SNRNP70: variants seen among roughly 807,000 people sequenced by gnomAD.
The protein encoded by SNRNP70 is U1 small nuclear ribonucleoprotein 70 kDa.
In SNRNP70, 8 loss-of-function variants were observed where a neutral mutation model predicts 50.5. The ratio of observed to expected loss-of-function variants is 0.16; its 90% CI spans 0.09 to 0.29. The LOEUF (loss-of-function observed/expected upper bound fraction) is 0.29. Among genes scored for constraint, SNRNP70 ranks in the 10% least tolerant of loss-of-function variants. The probability of loss-of-function intolerance (pLI) is 1.00; values close to 1 mark genes in which losing one functional copy is unlikely to be tolerated. For synonymous variants in SNRNP70, 320 were observed against 252.9 expected (o/e 1.27, Z -2.52); for missense variants, 529 against 663.5 (o/e 0.80, Z 2.23).
At chr19:49,102,361 T>G (rs1271732895) in intron 7 of SNRNP70, 1 of 322,572 alleles carries the variant, frequency 3.1e-6, no homozygotes. Flanking sequence ...CCGTATGCTC[T>G]CTGAGAATCT....
chr19:49,094,869 G>A (rs1041666049), intron 4 of SNRNP70, among the ~76,000 whole-genome samples: 1 of 152,184 alleles, frequency 6.6e-6, no homozygotes, highest in Non-Finnish European at 1.5e-5. Flanking sequence ...AGGCAAGCAC[G>A]CTTCCAAAGA....
rs1226197953 is a variant in SNRNP70 at position 49,107,857 on chromosome 19, A to T, written c.728A>T (p.Glu243Val). 2 of 1,561,326 alleles carry T rather than the reference A, an allele frequency of 1.3e-6. No individual in the cohort carries two copies. Among genetic ancestry groups the T allele is most frequent in the Non-Finnish European group, 1.7e-6 (2 of 1,153,638 alleles). Residue 243 changes from glutamate (E) to valine (V), a missense_variant, in exon 10 of 10, where the codon GAG becomes GTG. By Grantham distance (121) the Glu-to-Val change is moderately radical. Around this residue, in one of 4 missense-constraint regions of SNRNP70, gnomAD observed 53 missense variants for 78.6 expected, o/e 0.67. Transcript: ENST00000598441. The surrounding 1 kb of genome is among the most constrained non-coding windows in gnomAD (Gnocchi z 6.0). ...RDRDRERERR[E>V]RSRERDKERE... The stretch of plus-strand genomic sequence containing the variant: ...CGGGACCGTGAGCGGGAGCGCAGAG[A>T]GCGGAGCCGGGAGCGAGACAAGGAG...
At chr19:49,088,977 G>A (rs1478377456) in intron 2 of SNRNP70, among the ~76,000 whole-genome samples, 1 of 152,104 alleles carries the variant, frequency 6.6e-6, no homozygotes, top group Admixed American at 6.6e-5. Context: ...ACATCCTCTG[G>A]CACTTTGTTC....
rs1274610502 is a variant in SNRNP70, at chr19:49,108,488, C to T, written c.*45C>T. ...TGCTGTGTTTGGACGCGTTCCTGCC[C>T]AGCCCCTTGCTGTCATCCCCTCCCC... On this transcript the variant is annotated 3_prime_UTR_variant, in exon 10 of 10. Transcript: ENST00000598441. 2.6e-6 allele frequency: 4 copies of T among 1,547,030 alleles called. No homozygotes were observed. The South Asian group carries it at 4.8e-5, about 19-fold the overall frequency.
chr19:49,091,118 C>T (rs2040441835), intron 4 of SNRNP70, among the ~76,000 whole-genome samples: 1 of 152,086 alleles, frequency 6.6e-6, no homozygotes, highest in Non-Finnish European at 1.5e-5. Flanking sequence ...ACGCTGTAAT[C>T]CCAGTACTTT....
At chr19:49,093,430 C>T (rs1371597776) in intron 4 of SNRNP70, among the ~76,000 whole-genome samples, 8 of 152,024 alleles carry the variant, frequency 5.3e-5, no homozygotes, top group East Asian at 2.0e-4. Context: ...TGGTGGCTCA[C>T]GCCTGTAATC....
chr19:49,095,284 T>C (rs1481600826), intron 4 of SNRNP70, among the ~76,000 whole-genome samples: 3 of 152,260 alleles, frequency 2.0e-5, no homozygotes, highest in Admixed American at 6.5e-5. Context: ...TCCCCAGCCC[T>C]GCAGCATTCA....
chr19:49,090,593 A>G lies in SNRNP70; in HGVS notation c.265+73A>G, dbSNP rs1436607897. ...GTATTCTTCCCAGGTCATACCCAGG[A>G]CCCTGCTGTCTCCCTAAGGCCTGTG... On this transcript the variant is annotated intron_variant, in intron 4 of 9. Coordinates refer to ENST00000598441, the MANE Select transcript of SNRNP70 (RefSeq NM_003089.6). 3.5e-6 allele frequency: 5 copies of G among 1,428,502 alleles called. No individual in the cohort carries two copies. In the Admixed American group the frequency reaches 6.9e-5, roughly 20 times the overall value. The allele number at this position is 1,428,502 out of a possible 1,614,324, so 88.5% of individuals were successfully genotyped here.
rs2040366268 is a variant in SNRNP70 at position 49,085,584 on chromosome 19, C to A, written c.-63C>A. 4 of 455,940 alleles carry A rather than the reference C, an allele frequency of 8.8e-6. No individual in the cohort carries two copies. The highest frequency in any genetic ancestry group is 6.2e-5 in the South Asian group (4 of 64,562). The allele number at this position is 455,940 out of a possible 1,614,324, so 28.2% of individuals were successfully genotyped here. A position where few individuals can be genotyped will look rare whatever the true frequency, so the allele number is the denominator to read the frequency against. On this transcript the variant is annotated 5_prime_UTR_variant, in exon 1 of 10. Coordinates refer to ENST00000598441, the MANE Select transcript of SNRNP70 (RefSeq NM_003089.6). ...GGAGTTGTTGTTGCTGAGGGGCTGC[C>A]GCAGCCGCCGCGAGCCTCCGGACAG...
At chr19:49,105,763 G>A (rs904377380) in intron 8 of SNRNP70, among the ~76,000 whole-genome samples, 5 of 151,734 alleles carry the variant, frequency 3.3e-5, no homozygotes, top group South Asian at 2.1e-4. Flanking sequence ...AAACTGGGGC[G>A]ACCCACCTGT....
Position 49,089,193 on chromosome 19 carries a change from G to C in SNRNP70, c.148-1098G>C, listed in dbSNP as rs537358523. On this transcript the variant is annotated intron_variant, in intron 2 of 9. Transcript: ENST00000598441. The stretch of plus-strand genomic sequence containing the variant: ...TTTAAAGAAAGATCTACAGTCAGGA[G>C]TTCAAGACCAGCCAGGCCAACATGG... Among the ~76,000 whole-genome samples, 6 of 152,338 alleles carry C rather than the reference G, an allele frequency of 3.9e-5. No individual in the cohort carries two copies. In the South Asian group the frequency reaches 1.2e-3, roughly 32 times the overall value.
At position 49,108,322 on chromosome 19, in the gene SNRNP70, G is replaced by T. The variant is rs1178551645; in HGVS notation, c.1193G>T (p.Gly398Val). Reference protein sequence around the residue: ...GRDEARGGGGGQDNGLEGLGN... With the variant: ...GRDEARGGGGVQDNGLEGLGN... ...GATGAGGCCCGAGGTGGGGGCGGTG[G>T]CCAGGACAACGGGCTGGAGGGTCTG... Residue 398 changes from glycine (G) to valine (V), a missense_variant, in exon 10 of 10, where the codon GGC (glycine) becomes GTC (valine). Coordinates refer to ENST00000598441, the MANE Select transcript of SNRNP70 (RefSeq NM_003089.6). The T allele has an allele frequency of 6.3e-7, 1 of 1,597,396 alleles. No individual in the cohort carries two copies. The highest frequency in any genetic ancestry group is 1.7e-5 in the Admixed American group (1 of 57,856).
rs573807820 is a variant in SNRNP70, at chr19:49,102,287, C to T, written c.475+816C>T. On this transcript the variant is annotated intron_variant, in intron 7 of 9. Coordinates refer to ENST00000598441, the MANE Select transcript of SNRNP70 (RefSeq NM_003089.6). ...CCCCTCCTCCCACCCCAGTCGCCCCCGTAGCCTCCCCGCACCCATGGCCCT... is the reference window on the plus strand; with the variant it reads ...CCCCTCCTCCCACCCCAGTCGCCCCTGTAGCCTCCCCGCACCCATGGCCCT... 2.7e-4 allele frequency: 181 copies of T among 666,518 alleles called. 2 individuals are homozygous for T. The highest frequency in any genetic ancestry group is 2.5e-3 in the African/African-American group (136 of 54,032). 41.3% of individuals were successfully genotyped at this position (666,518 alleles called of 1,614,324 possible). A position where few individuals can be genotyped will look rare whatever the true frequency, so the allele number is the denominator to read the frequency against.
Position 49,104,508 on chromosome 19 carries a change from CTGTT to C in SNRNP70, c.476-125_476-122del. 1 of 726,206 alleles carries C rather than the reference CTGTT, an allele frequency of 1.4e-6. No homozygotes were observed. The highest frequency in any genetic ancestry group is 2.4e-6 in the Non-Finnish European group (1 of 415,586). 45.0% of individuals were successfully genotyped at this position (726,206 alleles called of 1,614,324 possible). On this transcript the variant is annotated intron_variant, in intron 7 of 9. Coordinates refer to ENST00000598441, the MANE Select transcript of SNRNP70 (RefSeq NM_003089.6). This position sits in a 1 kb window ranked among gnomAD's most constrained non-coding sequence, Gnocchi z 5.4. ...GTCTGGCTGTCAGTTGCCTGGCTGT[CTGTT>C]GGGCGTGTGCGTGTGCGTGATGATG...
intron 8 of SNRNP70, among the ~76,000 whole-genome samples, chr19:49,105,070 G>A (rs575123624): frequency 7.2e-5 from 11 of 152,098 alleles, no homozygotes; most frequent in South Asian, 2.1e-4. Flanking sequence ...TGTACTGGGC[G>A]CCCAGCTTGG....
At position 49,088,646 on chromosome 19, in the gene SNRNP70, G is replaced by A. The variant is rs1399024348; in HGVS notation, c.148-1645G>A. 2.0e-5 allele frequency among the ~76,000 whole-genome samples: 3 copies of A among 151,672 alleles called. No individual in the cohort carries two copies. In the South Asian group the frequency reaches 6.2e-4, roughly 32 times the overall value. ...TGAGTAGCTGGGATTACAGGCACGC[G>A]CTACCATGCCTGGCTAATTTTTGTA... On this transcript the variant is annotated intron_variant, in intron 2 of 9. Coordinates refer to ENST00000598441, the MANE Select transcript of SNRNP70 (RefSeq NM_003089.6).
chr19:49,086,881 A>AAT (rs1555736203), intron 2 of SNRNP70, among the ~76,000 whole-genome samples: 4 of 149,864 alleles, frequency 2.7e-5, no homozygotes, highest in African/African-American at 4.9e-5. Flanking sequence ...CAAAAAAAAA[A>AAT]TTTTTTTTTT....
Position 49,090,312 on chromosome 19 carries a change from C to T in SNRNP70, c.169C>T (p.Pro57Ser). The change falls in exon 3 of 10, where the codon CCA becomes TCA. Residue 57 changes from proline to serine, a missense_variant. By Grantham distance (74) the Pro-to-Ser change is moderately conservative. This residue lies in a region of SNRNP70 where 149 missense variants were observed against 259.7 expected (regional missense o/e 0.57). Coordinates refer to ENST00000598441, the MANE Select transcript of SNRNP70 (RefSeq NM_003089.6). ...CCAGGACCCTCGAGATGCCCCTCCT[C>T]CAACTCGTGCTGAAACCCGAGAGGA... ...EFEDPRDAPP[P>S]TRAETREERM... 1 of 1,614,116 alleles carries T rather than the reference C, an allele frequency of 6.2e-7. No individual in the cohort carries two copies. The highest frequency in any genetic ancestry group is 8.5e-7 in the Non-Finnish European group (1 of 1,180,032).
In SNRNP70 at chr19:49,085,488, G is replaced by C. The variant is rs955168792; in HGVS notation, c.-159G>C. On this transcript the variant is annotated 5_prime_UTR_variant, in exon 1 of 10. Transcript: ENST00000598441. The stretch of plus-strand genomic sequence containing the variant: ...AGGCCGCGCGGGTGGCTGAGCAGCG[G>C]CCTGGTGCGCTCGCTTAGCGGGCGA... 4.4e-6 allele frequency: 2 copies of C among 452,624 alleles called. No homozygotes were observed. Among genetic ancestry groups the C allele is most frequent in the African/African-American group, 2.0e-5 (1 of 49,912 alleles). 28.0% of individuals were successfully genotyped at this position (452,624 alleles called of 1,614,324 possible).
Sources: allele counts gnomAD v4.1 joint callset (sites outside exome capture counted in the v4.1 genomes callset), GRCh38; gene constraint gnomAD v4.1.1; regional missense constraint gnomAD v4.1.1; non-coding constraint Gnocchi (gnomAD v3.1); transcripts MANE v1.5; gene names NCBI Gene and HGNC (gene_info 2026-07-23, HGNC 2026-07-21).